Variants in LOC400499 observed in about 807,000 individuals in gnomAD.
the LOC400499 span, among the ~76,000 whole-genome samples, chr16:11,439,215 A>G: frequency 6.6e-6 from 1 of 152,168 alleles, no homozygotes; most frequent in African/African-American, 2.4e-5. Flanking sequence ...AGTTTGGAGG[A>G]AAACTCTGCT....
chr16:11,449,006 G>C, the LOC400499 span: 1 of 1,525,166 alleles, frequency 6.6e-7, no homozygotes, highest in Admixed American at 2.0e-5. Flanking sequence ...GGTCCCGGCT[G>C]TTCTCAGCAT....
the LOC400499 span, among the ~76,000 whole-genome samples, chr16:11,489,131 A>T: frequency 1.5e-3 from 230 of 152,338 alleles, 1 homozygote; most frequent in African/African-American, 5.2e-3. Flanking sequence ...CATGGACTCA[A>T]AAGTCAGACC....
the LOC400499 span, chr16:11,442,596 CTGT>C: frequency 2.0e-5 from 3 of 152,190 alleles, no homozygotes; most frequent in African/African-American, 7.2e-5. Flanking sequence ...CAGTCAGACC[CTGT>C]TGTTGTCAGC....
At chr16:11,459,812 C>T in the LOC400499 span, 1 of 1,228,090 alleles carries the variant, frequency 8.1e-7, no homozygotes. Flanking sequence ...TAGCCAGGGC[C>T]AGAGGGCCAT....
chr16:11,445,353 C>T, the LOC400499 span, among the ~76,000 whole-genome samples: 3 of 151,272 alleles, frequency 2.0e-5, no homozygotes, highest in Non-Finnish European at 4.4e-5. Context: ...CCTGGGAGGC[C>T]GAGGTTGCAG....
At chr16:11,390,233 TCA>T in the LOC400499 span, 1 of 1,232,520 alleles carries the variant, frequency 8.1e-7, no homozygotes, top group Non-Finnish European at 1.0e-6. Flanking sequence ...GAGAGCTGGC[TCA>T]GTCATCCTCA....
At chr16:11,450,925 C>G in the LOC400499 span, 4 of 1,034,848 alleles carry the variant, frequency 3.9e-6, no homozygotes, top group Non-Finnish European at 5.5e-6. Flanking sequence ...ATGGACAAAT[C>G]TCAAAACTGG....
the LOC400499 span, among the ~76,000 whole-genome samples, chr16:11,409,196 G>A: frequency 1.3e-5 from 2 of 152,200 alleles, no homozygotes; most frequent in African/African-American, 4.8e-5. Flanking sequence ...AGGTGGCGGA[G>A]GTTGCGGTGA....
chr16:11,476,190 C>T, the LOC400499 span, among the ~76,000 whole-genome samples: 1 of 151,136 alleles, frequency 6.6e-6, no homozygotes, highest in African/African-American at 2.4e-5. Context: ...GGAACAGGGG[C>T]AGATGCGAGG....
the LOC400499 span, among the ~76,000 whole-genome samples, chr16:11,405,183 A>G: frequency 6.6e-6 from 1 of 152,138 alleles, no homozygotes; most frequent in Non-Finnish European, 1.5e-5. Context: ...TAGAAAATGG[A>G]GGCCAGAAAG....
the LOC400499 span, chr16:11,446,889 G>A: frequency 2.6e-6 from 4 of 1,535,616 alleles, no homozygotes; most frequent in Non-Finnish European, 2.6e-6. Flanking sequence ...GGCTCTGCGG[G>A]ATGGGCAGGT....
the LOC400499 span, among the ~76,000 whole-genome samples, chr16:11,414,712 T>C: frequency 6.6e-6 from 1 of 152,238 alleles, no homozygotes; most frequent in Admixed American, 6.5e-5. Flanking sequence ...AATTTGTCCC[T>C]GAGGATCCAG....
chr16:11,502,917 CT>C, the LOC400499 span, among the ~76,000 whole-genome samples: 364 of 98,028 alleles, frequency 3.7e-3, 2 homozygotes, highest in South Asian at 0.014. Flanking sequence ...CCTGGACCAC[CT>C]TTTTTTTTTT....
At chr16:11,400,732 C>T in the LOC400499 span, among the ~76,000 whole-genome samples, 4 of 152,214 alleles carry the variant, frequency 2.6e-5, no homozygotes, top group Admixed American at 6.5e-5. Flanking sequence ...TGAGCCACCA[C>T]GTCCGGCCCC....
At chr16:11,407,119 G>A in the LOC400499 span, 1 of 397,734 alleles carries the variant, frequency 2.5e-6, no homozygotes, top group East Asian at 3.6e-5. Context: ...GGGACACTAG[G>A]ACAATTTTTC....
chr16:11,379,920 TTGACAGCTC>T, the LOC400499 span, among the ~76,000 whole-genome samples: 1 of 152,202 alleles, frequency 6.6e-6, no homozygotes, highest in Non-Finnish European at 1.5e-5. Context: ...ACCCCACTCT[TTGACAGCTC>T]TGTCCCCCTC....
At chr16:11,438,946 G>A in the LOC400499 span, among the ~76,000 whole-genome samples, 11 of 152,064 alleles carry the variant, frequency 7.2e-5, no homozygotes, top group African/African-American at 1.9e-4. Context: ...TTTTATTGCT[G>A]TCAAATTAAT....
chr16:11,376,685 TTG>T, the LOC400499 span, among the ~76,000 whole-genome samples: 1 of 152,208 alleles, frequency 6.6e-6, no homozygotes, highest in East Asian at 1.9e-4. Flanking sequence ...TCCCTTGAAA[TTG>T]TGTATCAACT....
At chr16:11,404,100 G>A in the LOC400499 span, among the ~76,000 whole-genome samples, 1 of 152,106 alleles carries the variant, frequency 6.6e-6, no homozygotes, top group Non-Finnish European at 1.5e-5. Context: ...TCATCCTTCA[G>A]AACTCAGTTC....
Sources: gnomAD v4.1 joint callset for allele counts (sites outside exome capture counted in the v4.1 genomes callset) on GRCh38, gnomAD v4.1.1 for gene constraint, MANE v1.5 for transcripts.